Variants in ST8SIA6 observed in about 807,000 individuals in gnomAD.
ST8SIA6 encodes the protein alpha-2,8-sialyltransferase 8F.
Under a neutral mutation model 33.6 loss-of-function variants are expected in ST8SIA6, and 39 were observed. The ratio of observed to expected loss-of-function variants is 1.16; its 90% CI spans 0.90 to 1.52. ST8SIA6 has a LOEUF of 1.52. Among genes scored for constraint, ST8SIA6 ranks in the 40% most tolerant of loss-of-function variants. The probability of loss-of-function intolerance (pLI) is 0.00; values close to 1 mark genes in which losing one functional copy is unlikely to be tolerated. For missense variants in ST8SIA6, 441 were observed against 443.8 expected, an observed-to-expected ratio of 0.99 and a Z score of 0.06; for synonymous variants, 172 against 167.2, an observed-to-expected ratio of 1.03 and a Z score of -0.22.
At chr10:17,343,377 C>A (rs1022724016) in intron 4 of ST8SIA6, among the ~76,000 whole-genome samples, 4 of 152,164 alleles carry the variant, frequency 2.6e-5, no homozygotes, top group African/African-American at 9.7e-5. Flanking sequence ...TAGAGAGCCA[C>A]AGAAAATATT....
intron 4 of ST8SIA6, among the ~76,000 whole-genome samples, chr10:17,343,505 G>A (rs914316911): frequency 4.6e-5 from 7 of 152,080 alleles, no homozygotes; most frequent in African/African-American, 1.7e-4. Flanking sequence ...GAGGTGGAGA[G>A]GTTAAAGAGA....
intron 3 of ST8SIA6, among the ~76,000 whole-genome samples, chr10:17,387,265 T>G (rs1422847494): frequency 2.6e-5 from 4 of 151,984 alleles, no homozygotes; most frequent in African/African-American, 9.7e-5. Context: ...TTTTTTTTTT[T>G]TTTGAGACGG....
At chr10:17,440,442 G>A (rs1166669082) in intron 2 of ST8SIA6, among the ~76,000 whole-genome samples, 1 of 152,110 alleles carries the variant, frequency 6.6e-6, no homozygotes, top group Non-Finnish European at 1.5e-5. Context: ...CTGACCTCAA[G>A]TGATTCACCT....
intron 4 of ST8SIA6, among the ~76,000 whole-genome samples, chr10:17,353,227 T>A (rs776553319): frequency 6.6e-6 from 1 of 152,188 alleles, no homozygotes; most frequent in Non-Finnish European, 1.5e-5. Flanking sequence ...GACAATACTG[T>A]TGCTTTTGCA....
chr10:17,445,699 A>G (rs868321818), intron 2 of ST8SIA6, among the ~76,000 whole-genome samples: 12 of 152,314 alleles, frequency 7.9e-5, no homozygotes, highest in Middle Eastern at 3.4e-3. Flanking sequence ...CATGTTGATT[A>G]CATTATATTC....
At chr10:17,355,649 G>C (rs1438353241) in intron 4 of ST8SIA6, among the ~76,000 whole-genome samples, 1 of 152,062 alleles carries the variant, frequency 6.6e-6, no homozygotes, top group Admixed American at 6.6e-5. Context: ...ACTCCAACTT[G>C]CTTTCATTCA....
intron 3 of ST8SIA6, among the ~76,000 whole-genome samples, chr10:17,370,311 T>C (rs1321815285): frequency 1.3e-5 from 2 of 152,176 alleles, no homozygotes; most frequent in Non-Finnish European, 1.5e-5. Context: ...GATTGGGTGA[T>C]TTAATCCATT....
At chr10:17,373,938 A>G (rs1269376216) in intron 3 of ST8SIA6, among the ~76,000 whole-genome samples, 2 of 152,140 alleles carry the variant, frequency 1.3e-5, no homozygotes, top group African/African-American at 4.8e-5. Flanking sequence ...TTCCAGTGAC[A>G]AATACTTATA....
At chr10:17,333,779 C>G (rs1285497728) in intron 4 of ST8SIA6, among the ~76,000 whole-genome samples, 1 of 124,334 alleles carries the variant, frequency 8.0e-6, no homozygotes, top group Non-Finnish European at 1.6e-5. Flanking sequence ...TGGAGTGCAG[C>G]GGCACAATTT....
chr10:17,368,300 G>A (rs558299799), intron 3 of ST8SIA6, among the ~76,000 whole-genome samples: 6 of 145,184 alleles, frequency 4.1e-5, no homozygotes, highest in South Asian at 2.3e-4. Flanking sequence ...CCAGCTACTC[G>A]TGAGGCTGAG....
chr10:17,388,745 G>A (rs1564438587), intron 3 of ST8SIA6, among the ~76,000 whole-genome samples: 1 of 152,192 alleles, frequency 6.6e-6, no homozygotes, highest in African/African-American at 2.4e-5. Flanking sequence ...ATTCCTGGGT[G>A]TAGGCCGAGC....
chr10:17,435,986 G>A (rs1489877846), intron 2 of ST8SIA6, among the ~76,000 whole-genome samples: 3 of 152,072 alleles, frequency 2.0e-5, no homozygotes, highest in Non-Finnish European at 4.4e-5. Flanking sequence ...TCCGCACATA[G>A]CACCTGTTTC....
chr10:17,323,229 G>GCGCACGCACACACACACACACA (rs112083592), intron 6 of ST8SIA6, 72 bp from the exon 7 acceptor site: 15 of 794,430 alleles, frequency 1.9e-5, no homozygotes, highest in Non-Finnish European at 2.7e-5. Flanking sequence ...ACATATGCGC[G>GCGCACGCACACACACACACACA]CACACACACA....
intron 3 of ST8SIA6, among the ~76,000 whole-genome samples, chr10:17,368,361 C>T (rs1269989214): frequency 1.4e-5 from 2 of 140,060 alleles, no homozygotes; most frequent in South Asian, 2.2e-4. Context: ...GAGCTGAGAT[C>T]GCACCATTGT....
intron 2 of ST8SIA6, among the ~76,000 whole-genome samples, chr10:17,418,757 C>T (rs1235313515): frequency 6.6e-6 from 1 of 152,120 alleles, no homozygotes; most frequent in Non-Finnish European, 1.5e-5. Flanking sequence ...CTTTGGGAGG[C>T]CGAGGCAGGT....
intron 2 of ST8SIA6, among the ~76,000 whole-genome samples, chr10:17,422,919 A>G (rs930379195): frequency 6.6e-6 from 1 of 152,244 alleles, no homozygotes; most frequent in Non-Finnish European, 1.5e-5. Context: ...TTATTGAACA[A>G]TACGTTCTAG....
At chr10:17,453,537 C>G in intron 2 of ST8SIA6, 22 bp downstream of exon 2, 2 of 1,284,428 alleles carry the variant, frequency 1.6e-6, no homozygotes, top group Non-Finnish European at 2.0e-6. Flanking sequence ...CCCCAGTCCG[C>G]CCGCGCTGGG....
chr10:17,354,581 G>C (rs1307228080), intron 4 of ST8SIA6, among the ~76,000 whole-genome samples: 3 of 152,164 alleles, frequency 2.0e-5, no homozygotes, highest in African/African-American at 7.2e-5. Flanking sequence ...CTTTAACTGA[G>C]TTCAACTAGT....
At chr10:17,381,021 T>A (rs1850132375) in intron 3 of ST8SIA6, among the ~76,000 whole-genome samples, 1 of 143,294 alleles carries the variant, frequency 7.0e-6, no homozygotes, top group Non-Finnish European at 1.5e-5. Flanking sequence ...TTTGTCTTTT[T>A]TTGAGCAAAA....
Sources: allele counts gnomAD v4.1 joint callset (sites outside exome capture counted in the v4.1 genomes callset), GRCh38; gene constraint gnomAD v4.1.1; transcripts MANE v1.5; gene names NCBI Gene and HGNC (gene_info 2026-07-23, HGNC 2026-07-21).